TGFBR3: variants seen among roughly 807,000 people sequenced by gnomAD.
The protein encoded by TGFBR3 is transforming growth factor beta receptor 3.
TGFBR3 carries 46 observed loss-of-function variants against 87.9 expected under a neutral mutation model. The observed-to-expected ratio is 0.52, with a 90% CI of 0.41 to 0.67. TGFBR3 has a LOEUF of 0.67. Ranked by LOEUF, TGFBR3 falls within the 30% of genes least tolerant of loss-of-function variation. The pLI is 0.00. For missense variants in TGFBR3, 866 were observed against 1,041.9 expected (o/e 0.83, Z 2.32); for synonymous variants, 381 against 391.6 (o/e 0.97, Z 0.32).
intron 14 of TGFBR3, among the ~76,000 whole-genome samples, chr1:91,705,508 C>T (rs764135540): frequency 2.0e-5 from 3 of 152,022 alleles, no homozygotes; most frequent in Admixed American, 6.6e-5. Flanking sequence ...GGATTACAGG[C>T]GTGAGCCACT....
At chr1:91,719,261 A>G (rs747685109) in intron 10 of TGFBR3, 51 bp downstream of exon 10, 1 of 1,612,764 alleles carries the variant, frequency 6.2e-7, no homozygotes, top group Admixed American at 1.7e-5. Flanking sequence ...TTAAGGGAGC[A>G]CACAGCCAGG....
intron 3 of TGFBR3, among the ~76,000 whole-genome samples, chr1:91,788,542 T>C (rs533080913): frequency 1.3e-5 from 2 of 152,350 alleles, no homozygotes; most frequent in African/African-American, 2.4e-5. Context: ...GAAGGAGTGA[T>C]TGAAGTCAAT....
chr1:91,876,892 CCCTCTG>C (rs1254086277), intron 1 of TGFBR3, among the ~76,000 whole-genome samples: 1 of 151,692 alleles, frequency 6.6e-6, no homozygotes, highest in Non-Finnish European at 1.5e-5. Context: ...TTCTCCTTTA[CCCTCTG>C]CAAAAAAAAA....
chr1:91,745,651 T>C (rs560857171), intron 4 of TGFBR3, among the ~76,000 whole-genome samples: 1 of 152,198 alleles, frequency 6.6e-6, no homozygotes, highest in African/African-American at 2.4e-5. Context: ...AAGAGGAAAA[T>C]CACACGTTCT....
intron 14 of TGFBR3, among the ~76,000 whole-genome samples, chr1:91,706,556 T>C (rs1234155931): frequency 6.6e-6 from 1 of 152,204 alleles, no homozygotes; most frequent in Non-Finnish European, 1.5e-5. Flanking sequence ...TGCCTGCCCC[T>C]TTCTAGGACA....
chr1:91,812,650 T>C (rs1676070366), intron 2 of TGFBR3, among the ~76,000 whole-genome samples: 1 of 152,228 alleles, frequency 6.6e-6, no homozygotes. Context: ...TCTCGCTCAG[T>C]CGCCCAGGCT....
rs1364809101 is a variant in TGFBR3, at chr1:91,712,258, G to C, written c.2151C>G (p.Pro717=). ...LTLCTKMEKH[P]QKLPKCVPPD... is the part of the protein sequence containing the mutation. ...GCCCACAAACCTTAGGCAACTTCTG[G>C]GGGTGCTTCTCCATCTTCGTACACA... The change falls in exon 13 of 17, where the codon CCC becomes CCG. Residue 717 remains proline (P), a synonymous_variant. Transcript: ENST00000212355. 11 of 1,613,958 alleles carry C rather than the reference G, an allele frequency of 6.8e-6. No homozygotes were observed. The highest frequency in any genetic ancestry group is 8.5e-6 in the Non-Finnish European group (10 of 1,180,020).
chr1:91,740,049 A>ATTTAT, intron 4 of TGFBR3, among the ~76,000 whole-genome samples: 1 of 152,090 alleles, frequency 6.6e-6, no homozygotes, highest in Non-Finnish European at 1.5e-5. Flanking sequence ...GGGGATTACA[A>ATTTAT]TTTATTTTAT....
intron 16 of TGFBR3, among the ~76,000 whole-genome samples, chr1:91,689,131 C>T (rs1297392220): frequency 1.3e-5 from 2 of 152,212 alleles, no homozygotes; most frequent in Non-Finnish European, 2.9e-5. Context: ...CCCGGAGCAT[C>T]TGGCCATTCA....
chr1:91,729,319 T>C (rs1672679588), intron 6 of TGFBR3, among the ~76,000 whole-genome samples: 1 of 144,394 alleles, frequency 6.9e-6, no homozygotes, highest in African/African-American at 2.6e-5. Context: ...CACACAGATT[T>C]AACGCAAACA....
intron 2 of TGFBR3, among the ~76,000 whole-genome samples, chr1:91,801,662 G>T (rs11578569): frequency 0.24 from 37,236 of 152,030 alleles, 5,658 homozygotes; most frequent in Middle Eastern, 0.35. Flanking sequence ...AATGTTCCCT[G>T]TACAATGGTT....
intron 1 of TGFBR3, among the ~76,000 whole-genome samples, chr1:91,883,165 T>C (rs538064765): frequency 6.6e-6 from 1 of 152,310 alleles, no homozygotes; most frequent in African/African-American, 2.4e-5. Context: ...AAAATTAGTT[T>C]ACATACAAAC....
At chr1:91,826,507 A>G (rs1255056115) in intron 2 of TGFBR3, among the ~76,000 whole-genome samples, 1 of 152,112 alleles carries the variant, frequency 6.6e-6, no homozygotes, top group African/African-American at 2.4e-5. Context: ...AATTCAGCCA[A>G]TGATTGCAAA....
intron 2 of TGFBR3, 62 bp downstream of exon 2, chr1:91,861,409 G>A (rs1678180235): frequency 4.6e-6 from 6 of 1,300,514 alleles, no homozygotes; most frequent in Non-Finnish European, 6.7e-6. Context: ...CAACTAAAGA[G>A]ACTGGGACAA....
chr1:91,783,421 G>A (rs7521065), intron 3 of TGFBR3, among the ~76,000 whole-genome samples: 22,272 of 152,216 alleles, frequency 0.15, 2,145 homozygotes, highest in African/African-American at 0.26. Context: ...AGCCAGCAGT[G>A]CCACTGAGGT....
chr1:91,687,141 C>G (rs900739578), intron 16 of TGFBR3, among the ~76,000 whole-genome samples: 18 of 152,246 alleles, frequency 1.2e-4, no homozygotes, highest in African/African-American at 4.3e-4. Flanking sequence ...ATGGCTGGGC[C>G]TAGATACTGC....
At chr1:91,865,089 G>A (rs1678340004) in intron 1 of TGFBR3, among the ~76,000 whole-genome samples, 1 of 151,354 alleles carries the variant, frequency 6.6e-6, no homozygotes, top group Admixed American at 6.6e-5. Context: ...TGTAATCCCA[G>A]CTACTCGGGA....
intron 4 of TGFBR3, among the ~76,000 whole-genome samples, chr1:91,755,321 T>G (rs1333290976): frequency 6.6e-6 from 1 of 152,156 alleles, no homozygotes; most frequent in Non-Finnish European, 1.5e-5. Flanking sequence ...GGGAAAAGCC[T>G]GCCCAAGGAG....
intron 3 of TGFBR3, among the ~76,000 whole-genome samples, chr1:91,776,648 T>A (rs2100949534): frequency 6.6e-6 from 1 of 152,318 alleles, no homozygotes; most frequent in South Asian, 2.1e-4. Flanking sequence ...TTGGCTCTGA[T>A]CAGTGTAGTG....
Sources: gnomAD v4.1 joint callset for allele counts (sites outside exome capture counted in the v4.1 genomes callset) on GRCh38, gnomAD v4.1.1 for gene constraint, MANE v1.5 for transcripts, NCBI Gene and HGNC (gene_info 2026-07-23, HGNC 2026-07-21) for gene names.